NRXN1: variants seen among roughly 807,000 people sequenced by gnomAD.
NRXN1 encodes the protein neurexin-1.
A neutral mutation model predicts 150.9 loss-of-function variants in NRXN1; 39 were observed. The ratio of observed to expected loss-of-function variants is 0.26; its 90% confidence interval spans 0.20 to 0.34. NRXN1 has a LOEUF of 0.34. Ranked by LOEUF, NRXN1 falls within the 10% of genes least tolerant of loss-of-function variation. NRXN1 has a pLI of 1.00. For synonymous variants in NRXN1, 924 were observed against 757.0 expected, an observed-to-expected ratio of 1.22 and a Z score of -3.62; for missense variants, 1,815 against 1,949.9, an observed-to-expected ratio of 0.93 and a Z score of 1.30.
intron 8 of NRXN1, among the ~76,000 whole-genome samples, chr2:50,564,995 C>G (rs146729480): frequency 5.9e-5 from 9 of 152,220 alleles, no homozygotes; most frequent in African/African-American, 1.9e-4. Context: ...CATATTGGCT[C>G]TACGGAAGCT....
intron 5 of NRXN1, among the ~76,000 whole-genome samples, chr2:50,749,356 A>G (rs1476182411): frequency 6.6e-6 from 1 of 152,034 alleles, no homozygotes; most frequent in East Asian, 1.9e-4. Flanking sequence ...TTAGAATCTA[A>G]AAGTCCGTGA....
intron 5 of NRXN1, chr2:50,829,562 A>G: frequency 6.2e-7 from 1 of 1,612,002 alleles, no homozygotes; most frequent in Non-Finnish European, 8.5e-7. Flanking sequence ...GGGTTTTCTT[A>G]AACTGAAGGT....
At chr2:50,037,317 A>T (rs1690193212) in intron 21 of NRXN1, among the ~76,000 whole-genome samples, 1 of 122,474 alleles carries the variant, frequency 8.2e-6, no homozygotes, top group South Asian at 2.4e-4. Flanking sequence ...CAAAATTTAT[A>T]AAAAAAATTT....
chr2:49,921,588 T>G lies in NRXN1; in HGVS notation c.*356A>C. On this transcript the variant is annotated 3_prime_UTR_variant, in exon 23 of 23. Transcript: ENST00000401669. ...GGTAGCTTCTTTTTTGTGTTATGTT[T>G]TGTGTTGGTTTTTGTGTTGTGCCTT... 4.9e-6 allele frequency: 1 copy of G among 204,218 alleles called. No homozygotes were observed. Among genetic ancestry groups the G allele is most frequent in the Non-Finnish European group, 9.9e-6 (1 of 100,770 alleles). 12.7% of individuals were successfully genotyped at this position (204,218 alleles called of 1,614,324 possible).
rs1674160444 is a variant in NRXN1, at chr2:50,849,317, T to TG, written c.832+72551dup. Among the ~76,000 whole-genome samples, 4 of 152,186 alleles carry TG rather than the reference T, an allele frequency of 2.6e-5. No homozygotes were observed. The South Asian group carries it at 6.2e-4, about 24-fold the overall frequency. ...CACTTGGAATTGTAAATTCTTTCTG[T>TG]GTTCCCTTAACACGTAAATCTTCTG... On this transcript the variant is annotated intron_variant, in intron 5 of 22. Transcript: ENST00000401669.
chr2:50,035,677 G>C (rs571326134), intron 21 of NRXN1, among the ~76,000 whole-genome samples: 1 of 152,196 alleles, frequency 6.6e-6, no homozygotes, highest in South Asian at 2.1e-4. Flanking sequence ...GGACAATGTA[G>C]GAGCATGTGT....
Position 50,224,698 on chromosome 2 carries a change from AGAG to A in NRXN1, c.3546+12088_3546+12090del, listed in dbSNP as rs1559125133. ...AAGAGAGAGAGAGAGGGAGAAAGAG[AGAG>A]AGAGAGAGAGAGAGAGAGAGAGAGA... On this transcript the variant is annotated intron_variant, in intron 18 of 22. Transcript: ENST00000401669. Among the ~76,000 whole-genome samples, 278 of 60,588 alleles carry A rather than the reference AGAG, an allele frequency of 4.6e-3. 1 individual carries two copies. The highest frequency in any genetic ancestry group is 0.012 in the African/African-American group (204 of 16,322). The allele number at this position is 60,588 out of a possible 152,430, so 39.7% of individuals were successfully genotyped here.
intron 5 of NRXN1, among the ~76,000 whole-genome samples, chr2:50,805,726 TA>T: frequency 6.6e-6 from 1 of 152,274 alleles, no homozygotes; most frequent in East Asian, 1.9e-4. Context: ...GATGCATTAT[TA>T]AAAAATAGAA....
intron 8 of NRXN1, among the ~76,000 whole-genome samples, chr2:50,591,416 A>G (rs1175803474): frequency 6.6e-6 from 1 of 152,016 alleles, no homozygotes; most frequent in African/African-American, 2.4e-5. Context: ...AGATAGATAG[A>G]TAGATAGATA....
chr2:51,004,130 C>T (rs1256812353), intron 2 of NRXN1, among the ~76,000 whole-genome samples: 1 of 151,356 alleles, frequency 6.6e-6, no homozygotes, highest in Non-Finnish European at 1.5e-5. Flanking sequence ...GGTGAACTAA[C>T]AACCCCAAGT....
chr2:50,972,220 TAAAAA>T (rs1368930355), intron 2 of NRXN1, among the ~76,000 whole-genome samples: 1 of 151,916 alleles, frequency 6.6e-6, no homozygotes, highest in Non-Finnish European at 1.5e-5. Flanking sequence ...GGTTCATACT[TAAAAA>T]AAACTCTCAA....
intron 8 of NRXN1, among the ~76,000 whole-genome samples, chr2:50,553,409 T>C (rs1445551651): frequency 4.6e-5 from 7 of 152,214 alleles, no homozygotes; most frequent in Non-Finnish European, 4.4e-5. Flanking sequence ...TAAAATTAAA[T>C]ATAAGCACTG....
intron 8 of NRXN1, among the ~76,000 whole-genome samples, chr2:50,582,096 C>A (rs996496837): frequency 1.3e-5 from 2 of 152,002 alleles, no homozygotes; most frequent in South Asian, 4.1e-4. Context: ...TGTTAATAAC[C>A]GGGAAGATTT....
intron 21 of NRXN1, chr2:49,973,964 C>T: frequency 1.4e-6 from 1 of 717,162 alleles, no homozygotes; most frequent in Admixed American, 2.0e-5. Context: ...ACAGAAGAAG[C>T]TACCTGCAAG....
chr2:50,827,587 A>G (rs1160517431), intron 5 of NRXN1, among the ~76,000 whole-genome samples: 1 of 152,176 alleles, frequency 6.6e-6, no homozygotes, highest in Non-Finnish European at 1.5e-5. Context: ...CCACATCTAA[A>G]ATTAATGTTT....
At chr2:50,152,201 T>A (rs866072441) in intron 18 of NRXN1, among the ~76,000 whole-genome samples, 2 of 151,858 alleles carry the variant, frequency 1.3e-5, no homozygotes, top group Middle Eastern at 3.4e-3. Flanking sequence ...AACTACCCAT[T>A]TCCTCTCTCT....
At chr2:50,375,696 T>C (rs1480122886) in intron 17 of NRXN1, among the ~76,000 whole-genome samples, 2 of 151,326 alleles carry the variant, frequency 1.3e-5, no homozygotes, top group East Asian at 2.0e-4. Context: ...CTGAAGCCTA[T>C]AGAACTCAAA....
At chr2:50,755,491 T>G (rs1454300210) in intron 5 of NRXN1, among the ~76,000 whole-genome samples, 9 of 151,926 alleles carry the variant, frequency 5.9e-5, no homozygotes, top group Middle Eastern at 3.4e-3. Flanking sequence ...TCTCTTCAGA[T>G]AGTAAAACTC....
intron 6 of NRXN1, among the ~76,000 whole-genome samples, chr2:50,622,377 C>T (rs778090184): frequency 3.9e-5 from 6 of 152,092 alleles, no homozygotes; most frequent in East Asian, 1.9e-4. Flanking sequence ...AGAGACAATC[C>T]GGTCATTCTG....
Sources: gnomAD v4.1 joint callset for allele counts (sites outside exome capture counted in the v4.1 genomes callset) on GRCh38, gnomAD v4.1.1 for gene constraint, MANE v1.5 for transcripts, NCBI Gene and HGNC (gene_info 2026-07-23, HGNC 2026-07-21) for gene names.